Variants in ZHX2 observed in about 807,000 individuals in gnomAD.
ZHX2 encodes the protein zinc fingers and homeoboxes protein 2.
In ZHX2, 6 loss-of-function variants were observed where a neutral mutation model predicts 21.9. The observed-to-expected ratio is 0.27, with a 90% CI of 0.15 to 0.54. The LOEUF (loss-of-function observed/expected upper bound fraction) is 0.54, where lower values mean the gene tolerates loss of function less well. Ranked by LOEUF, ZHX2 falls within the 20% of genes least tolerant of loss-of-function variation. The pLI is 0.95. For synonymous variants in ZHX2, 434 were observed against 437.1 expected (o/e 0.99, Z 0.09); for missense variants, 908 against 1,090.7 (o/e 0.83, Z 2.36).
At position 122,952,834 on chromosome 8, in the gene ZHX2, A is replaced by C; in HGVS notation, c.1324A>C (p.Ser442Arg). ...KVANPPLTPA[S>R]DRKKTKEQIA... Reference sequence around the variant, plus strand: ...GGCCAACCCCCCGCTCACACCAGCCAGTGACCGCAAGAAGACAAAGGAGCA... The same window carrying C: ...GGCCAACCCCCCGCTCACACCAGCCCGTGACCGCAAGAAGACAAAGGAGCA... Residue 442 changes from serine to arginine, a missense_variant, in exon 3 of 4, where the codon AGT (serine) becomes CGT (arginine). Physicochemically the swap from Ser to Arg is moderately radical, Grantham distance 110. Around this residue, in one of 4 missense-constraint regions of ZHX2, gnomAD observed 232 missense variants for 361.8 expected, o/e 0.64. Coordinates refer to ENST00000314393, the MANE Select transcript of ZHX2 (RefSeq NM_014943.5). The surrounding 1 kb of genome is among the most constrained non-coding windows in gnomAD (Gnocchi z 6.9). 1.2e-6 allele frequency: 2 copies of C among 1,614,142 alleles called. No individual in the cohort carries two copies. Among genetic ancestry groups the C allele is most frequent in the Non-Finnish European group, 1.7e-6 (2 of 1,180,028 alleles).
intron 1 of ZHX2, among the ~76,000 whole-genome samples, chr8:122,800,872 C>A (rs927448489): frequency 2.0e-5 from 3 of 152,216 alleles, no homozygotes; most frequent in Non-Finnish European, 4.4e-5. Flanking sequence ...CAAAACAGAA[C>A]CTACAACTGG....
At chr8:122,801,600 A>T (rs1034527049) in intron 1 of ZHX2, among the ~76,000 whole-genome samples, 1 of 151,896 alleles carries the variant, frequency 6.6e-6, no homozygotes, top group Non-Finnish European at 1.5e-5. Context: ...AAAAAAAAAA[A>T]AATTGCCAGG....
intron 2 of ZHX2, among the ~76,000 whole-genome samples, chr8:122,880,122 C>T (rs1230366030): frequency 6.6e-6 from 1 of 151,826 alleles, no homozygotes; most frequent in Non-Finnish European, 1.5e-5. Flanking sequence ...ACAGGTGCCG[C>T]CACCAAACCT....
intron 1 of ZHX2, among the ~76,000 whole-genome samples, chr8:122,793,495 A>G (rs2130544729): frequency 6.6e-6 from 1 of 152,296 alleles, no homozygotes; most frequent in East Asian, 1.9e-4. Context: ...CCCATACATG[A>G]GAAAACACCT....
At chr8:122,957,949 C>T (rs565399565) in intron 3 of ZHX2, among the ~76,000 whole-genome samples, 13 of 152,342 alleles carry the variant, frequency 8.5e-5, no homozygotes, top group Admixed American at 8.5e-4. Context: ...CTCTTGAATT[C>T]ATAAATATTC....
chr8:122,891,596 G>A (rs1179728059), intron 2 of ZHX2, among the ~76,000 whole-genome samples: 4 of 152,102 alleles, frequency 2.6e-5, no homozygotes, highest in Admixed American at 6.6e-5. Flanking sequence ...TGCTTTTGCT[G>A]TATCCCATAG....
chr8:122,800,091 A>T (rs1233550535), intron 1 of ZHX2, among the ~76,000 whole-genome samples: 1 of 152,174 alleles, frequency 6.6e-6, no homozygotes, highest in African/African-American at 2.4e-5. Context: ...CCTGACCTCA[A>T]GTGATCTGCC....
chr8:122,792,598 T>G (rs1301574803), intron 1 of ZHX2, among the ~76,000 whole-genome samples: 1 of 152,146 alleles, frequency 6.6e-6, no homozygotes, highest in East Asian at 1.9e-4. Flanking sequence ...CAGCAGAGTA[T>G]GAGAGAGTTC....
intron 2 of ZHX2, among the ~76,000 whole-genome samples, chr8:122,940,737 A>G (rs778139499): frequency 9.2e-5 from 14 of 152,204 alleles, no homozygotes; most frequent in Non-Finnish European, 1.8e-4. Context: ...TGAGAAATCT[A>G]ATTTATAGAC....
intron 1 of ZHX2, among the ~76,000 whole-genome samples, chr8:122,860,666 C>T (rs1168406950): frequency 2.6e-5 from 4 of 152,114 alleles, no homozygotes; most frequent in African/African-American, 7.2e-5. Context: ...TTGAGGCAGC[C>T]GAGTTATGGA....
At chr8:122,928,557 A>G (rs949340024) in intron 2 of ZHX2, among the ~76,000 whole-genome samples, 2 of 152,152 alleles carry the variant, frequency 1.3e-5, no homozygotes, top group African/African-American at 4.8e-5. Flanking sequence ...AAGATCAGAG[A>G]TTTAGGGGAG....
chr8:122,808,085 C>A (rs1439436011), intron 1 of ZHX2, among the ~76,000 whole-genome samples: 2 of 152,154 alleles, frequency 1.3e-5, no homozygotes, highest in African/African-American at 4.8e-5. Flanking sequence ...TACCTTTTTT[C>A]AGTTTATCTC....
intron 1 of ZHX2, among the ~76,000 whole-genome samples, chr8:122,792,246 G>A (rs1472355136): frequency 6.6e-6 from 1 of 152,206 alleles, no homozygotes; most frequent in Non-Finnish European, 1.5e-5. Context: ...CATACACCAT[G>A]TGGTCTTTTG....
At chr8:122,848,979 A>G (rs571418005) in intron 1 of ZHX2, among the ~76,000 whole-genome samples, 1 of 152,338 alleles carries the variant, frequency 6.6e-6, no homozygotes, top group Non-Finnish European at 1.5e-5. Flanking sequence ...GCTACCCACT[A>G]GGGTCTCTTC....
At chr8:122,934,874 G>A (rs1180899276) in intron 2 of ZHX2, among the ~76,000 whole-genome samples, 3 of 152,136 alleles carry the variant, frequency 2.0e-5, no homozygotes, top group African/African-American at 7.2e-5. Context: ...TTTTAGTAGA[G>A]ATGAGGTTTC....
intron 2 of ZHX2, among the ~76,000 whole-genome samples, chr8:122,897,890 T>G (rs1210593279): frequency 7.9e-5 from 12 of 152,136 alleles, no homozygotes; most frequent in Admixed American, 7.9e-4. Flanking sequence ...GTGGCCTAGA[T>G]CGCTGAAAGC....
At chr8:122,903,663 A>G (rs1297558537) in intron 2 of ZHX2, among the ~76,000 whole-genome samples, 2 of 152,250 alleles carry the variant, frequency 1.3e-5, no homozygotes, top group African/African-American at 2.4e-5. Flanking sequence ...TTTGGTCTAC[A>G]GACAGTGTAG....
At chr8:122,792,057 A>G (rs777140761) in intron 1 of ZHX2, among the ~76,000 whole-genome samples, 1 of 152,170 alleles carries the variant, frequency 6.6e-6, no homozygotes, top group Non-Finnish European at 1.5e-5. Context: ...AACCATTACC[A>G]CAATGTGACT....
intron 2 of ZHX2, among the ~76,000 whole-genome samples, chr8:122,871,754 C>G (rs1002411990): frequency 7.6e-6 from 1 of 130,844 alleles, no homozygotes; most frequent in Non-Finnish European, 1.6e-5. Flanking sequence ...AAAACTATGT[C>G]TGGTACAGAG....
Sources: gnomAD v4.1 joint callset for allele counts (sites outside exome capture counted in the v4.1 genomes callset) on GRCh38, gnomAD v4.1.1 for gene constraint, gnomAD v4.1.1 regional missense constraint, Gnocchi (gnomAD v3.1) non-coding constraint, MANE v1.5 for transcripts, NCBI Gene and HGNC (gene_info 2026-07-23, HGNC 2026-07-21) for gene names.